Variants in TRPM6 observed in about 807,000 individuals in gnomAD.
The protein encoded by TRPM6 is channel kinase 2.
In TRPM6, 111 loss-of-function variants were observed where a neutral mutation model predicts 247.6. The ratio of observed to expected loss-of-function variants is 0.45; its 90% CI spans 0.38 to 0.52. The LOEUF is 0.52. Among genes scored for constraint, TRPM6 ranks in the 20% least tolerant of loss-of-function variants. The pLI is 0.00. For synonymous variants in TRPM6, 892 were observed against 853.8 expected (o/e 1.04, Z -0.78); for missense variants, 2,126 against 2,421.5 (o/e 0.88, Z 2.56).
At chr9:74,804,551 G>A in intron 14 of TRPM6, 2 of 738,892 alleles carry the variant, frequency 2.7e-6, no homozygotes, top group Non-Finnish European at 4.9e-6. Flanking sequence ...CAAACGCGGT[G>A]ACCAAGGAGG....
chr9:74,758,186 A>G (rs1239311662), intron 27 of TRPM6, among the ~76,000 whole-genome samples: 1 of 152,216 alleles, frequency 6.6e-6, no homozygotes, highest in African/African-American at 2.4e-5. Flanking sequence ...TCATTGGTTA[A>G]TTCTACGAAT....
intron 3 of TRPM6, among the ~76,000 whole-genome samples, chr9:74,851,748 C>CAA (rs767892848): frequency 1.5e-5 from 2 of 134,002 alleles, no homozygotes; most frequent in African/African-American, 5.7e-5. Flanking sequence ...GACTTTGTCT[C>CAA]AAAAAAAAAA....
intron 19 of TRPM6, among the ~76,000 whole-genome samples, chr9:74,789,974 A>G (rs61448452): frequency 4.1e-5 from 5 of 121,944 alleles, no homozygotes; most frequent in Admixed American, 7.9e-5. Context: ...AAAAAAAAAA[A>G]AAAAAAAAAA....
At chr9:74,738,377 T>G (rs1413629593) in intron 36 of TRPM6, 30 bp downstream of exon 36, 1 of 1,611,750 alleles carries the variant, frequency 6.2e-7, no homozygotes. Context: ...GCCTCATGCT[T>G]GTTGTATCAA....
intron 27 of TRPM6, among the ~76,000 whole-genome samples, chr9:74,760,324 T>C (rs948140450): frequency 1.3e-5 from 2 of 152,212 alleles, no homozygotes; most frequent in African/African-American, 4.8e-5. Context: ...TGTTTAGATA[T>C]GCTTAGATAC....
intron 23 of TRPM6, 179 bp from the exon 24 acceptor site, chr9:74,776,255 C>T: frequency 1.6e-6 from 1 of 624,166 alleles, no homozygotes; most frequent in East Asian, 3.1e-5. Context: ...TAGCTACCTT[C>T]TACAATGAAA....
chr9:74,802,201 G>C, intron 15 of TRPM6, 26 bp from the exon 16 acceptor site: 1 of 1,604,750 alleles, frequency 6.2e-7, no homozygotes. Flanking sequence ...ATAGGAATGA[G>C]TTTTCAAATA....
At chr9:74,873,642 A>G (rs907037236) in intron 1 of TRPM6, among the ~76,000 whole-genome samples, 5 of 152,180 alleles carry the variant, frequency 3.3e-5, no homozygotes, top group African/African-American at 1.2e-4. Context: ...ATTTCCAACA[A>G]TTATCAATTA....
intron 3 of TRPM6, among the ~76,000 whole-genome samples, chr9:74,852,514 C>G (rs952018168): frequency 1.3e-5 from 2 of 152,090 alleles, no homozygotes; most frequent in Non-Finnish European, 2.9e-5. Context: ...CCCTCTCCCC[C>G]TCTCTCCACG....
At chr9:74,837,496 G>C (rs1307899579) in intron 5 of TRPM6, among the ~76,000 whole-genome samples, 1 of 152,008 alleles carries the variant, frequency 6.6e-6, no homozygotes, top group Non-Finnish European at 1.5e-5. Flanking sequence ...GCCCAGGCTG[G>C]AGTGCAGTGG....
chr9:74,760,361 T>G (rs940917464), intron 27 of TRPM6, among the ~76,000 whole-genome samples: 24 of 152,182 alleles, frequency 1.6e-4, no homozygotes, highest in African/African-American at 5.8e-4. Flanking sequence ...TACAATTACC[T>G]AAAGTGTTCA....
rs1825250283 is a variant in TRPM6, at chr9:74,724,506, T to C, written c.*107A>G. 1 of 1,518,640 alleles carries C rather than the reference T, an allele frequency of 6.6e-7. No homozygotes were observed. Among genetic ancestry groups the C allele is most frequent in the South Asian group, 1.1e-5 (1 of 88,346 alleles). The allele number at this position is 1,518,640 out of a possible 1,614,324, so 94.1% of individuals were successfully genotyped here. ...AAGGAGATGTGAGGCTCAGAAGGCG[T>C]GTCCCAAGGAGACGCTGATGTAATC... is the stretch of plus-strand genomic sequence containing the variant. On this transcript the variant is annotated 3_prime_UTR_variant, in exon 39 of 39. Coordinates refer to ENST00000360774, the MANE Select transcript of TRPM6 (RefSeq NM_017662.5).
At chr9:74,856,210 G>A (rs1468842162) in intron 2 of TRPM6, among the ~76,000 whole-genome samples, 3 of 152,112 alleles carry the variant, frequency 2.0e-5, no homozygotes, top group African/African-American at 7.2e-5. Context: ...AGGCTGAGGT[G>A]AGAGGATTGC....
chr9:74,813,711 C>CA (rs1490692427), intron 11 of TRPM6, among the ~76,000 whole-genome samples: 1 of 152,082 alleles, frequency 6.6e-6, no homozygotes, highest in African/African-American at 2.4e-5. Context: ...ACAAACAGAT[C>CA]AAAAAACATC....
Position 74,814,775 on chromosome 9 carries a change from CCT to C in TRPM6, c.1308+1892_1308+1893del, listed in dbSNP as rs547665812. Among the ~76,000 whole-genome samples, 722 of 152,068 alleles carry C rather than the reference CCT, an allele frequency of 4.7e-3. 2 individuals are homozygous for C. Among genetic ancestry groups the C allele is most frequent in the Non-Finnish European group, 7.6e-3 (517 of 67,976 alleles). ...ACCAGCCTAGCCAACATGGCAAACC[CCT>C]GTCTCTACTAAAAATACAAAAATTA... On this transcript the variant is annotated intron_variant, in intron 11 of 38. Transcript: ENST00000360774.
intron 14 of TRPM6, among the ~76,000 whole-genome samples, chr9:74,805,838 C>T (rs1161296650): frequency 6.6e-6 from 1 of 151,804 alleles, no homozygotes; most frequent in African/African-American, 2.4e-5. Context: ...AGTCTTAATA[C>T]AGAAAACACA....
In TRPM6 at chr9:74,757,355, G is replaced by A. The variant is rs183092604; in HGVS notation, c.4786-1882C>T. Among the ~76,000 whole-genome samples the A allele has an allele frequency of 8.3e-3, 1,264 of 151,898 alleles. 11 individuals carry two copies. The highest frequency in any genetic ancestry group is 0.029 in the African/African-American group (1,196 of 41,408). On this transcript the variant is annotated intron_variant, in intron 27 of 38. Coordinates refer to ENST00000360774, the MANE Select transcript of TRPM6 (RefSeq NM_017662.5). Reference sequence around the variant, plus strand: ...AGCACTTTGGGAGGCTGAGGCAGGCGGATCAATTGAGGCCAGCCTGGCCAA... The same window carrying A: ...AGCACTTTGGGAGGCTGAGGCAGGCAGATCAATTGAGGCCAGCCTGGCCAA...
intron 13 of TRPM6, among the ~76,000 whole-genome samples, chr9:74,809,322 C>T (rs1828642884): frequency 6.6e-6 from 1 of 152,160 alleles, no homozygotes; most frequent in East Asian, 1.9e-4. Context: ...CTCTTCATAA[C>T]TGTTCACTTT....
intron 25 of TRPM6, among the ~76,000 whole-genome samples, chr9:74,766,253 T>C (rs986432414): frequency 1.1e-4 from 16 of 152,272 alleles, no homozygotes; most frequent in South Asian, 6.2e-4. Flanking sequence ...CTTGCTTTTA[T>C]AGACTTATTT....
Sources: gnomAD v4.1 joint callset for allele counts (sites outside exome capture counted in the v4.1 genomes callset) on GRCh38, gnomAD v4.1.1 for gene constraint, MANE v1.5 for transcripts, NCBI Gene and HGNC (gene_info 2026-07-23, HGNC 2026-07-21) for gene names.